Variants in UBA2 observed in about 807,000 individuals in gnomAD.
The protein encoded by UBA2 is SUMO-activating enzyme subunit 2.
Under a neutral mutation model 77.2 loss-of-function variants are expected in UBA2, and 11 were observed. The ratio of observed to expected loss-of-function variants is 0.14; its 90% CI spans 0.09 to 0.24. The LOEUF (loss-of-function observed/expected upper bound fraction) is 0.24, where lower values mean the gene tolerates loss of function less well. Among genes scored for constraint, UBA2 ranks in the 10% least tolerant of loss-of-function variants. The pLI is 1.00. For missense variants in UBA2, 487 were observed against 781.7 expected, an observed-to-expected ratio of 0.62 and a Z score of 4.50; for synonymous variants, 278 against 276.7, an observed-to-expected ratio of 1.00 and a Z score of -0.05.
At chr19:34,441,371 C>A (rs1368109702) in intron 6 of UBA2, among the ~76,000 whole-genome samples, 1 of 152,018 alleles carries the variant, frequency 6.6e-6, no homozygotes, top group Non-Finnish European at 1.5e-5. Flanking sequence ...AGGAGAATGG[C>A]GTGAACCCGG....
In UBA2 at chr19:34,435,024, C is replaced by CA. The variant is rs2075293621; in HGVS notation, c.459+57dup. 2.5e-6 allele frequency: 3 copies of CA among 1,193,202 alleles called. No individual in the cohort carries two copies. In the East Asian group the frequency reaches 7.6e-5, roughly 30 times the overall value. 73.9% of individuals were successfully genotyped at this position (1,193,202 alleles called of 1,614,324 possible). On this transcript the variant is annotated intron_variant, in intron 5 of 16. Coordinates refer to ENST00000246548, the MANE Select transcript of UBA2 (RefSeq NM_005499.3). ...CAAATATTTATTTGAGACCTTGGAG[C>CA]AGGAGGAAATAAACTTTGTATTTAT...
chr19:34,431,735 G>T, intron 2 of UBA2, 126 bp from the exon 3 acceptor site: 2 of 741,210 alleles, frequency 2.7e-6, no homozygotes, highest in African/African-American at 1.8e-5. Context: ...TCACATTTTT[G>T]GACTTCTTTG....
rs1019056480 is a variant in UBA2, at chr19:34,428,411, C to G, written c.-22C>G. 15 of 1,245,102 alleles carry G rather than the reference C, an allele frequency of 1.2e-5. No homozygotes were observed. Among genetic ancestry groups the G allele is most frequent in the Middle Eastern group, 2.8e-4 (1 of 3,626 alleles). 77.1% of individuals were successfully genotyped at this position (1,245,102 alleles called of 1,614,324 possible). On this transcript the variant is annotated 5_prime_UTR_variant, in exon 1 of 17. Transcript: ENST00000246548. ...TCGGTTCTCCCGCCTCCGCCTCCGC[C>G]GCGGCTCGTGGTTGTCCCGCCATGG... is the stretch of plus-strand genomic sequence containing the variant.
chr19:34,467,287 A>G (rs371914789), intron 16 of UBA2, among the ~76,000 whole-genome samples: 12 of 151,534 alleles, frequency 7.9e-5, no homozygotes, highest in East Asian at 5.9e-4. Flanking sequence ...GGGCAACACA[A>G]TGAGAGACCC....
At position 34,469,097 on chromosome 19, in the gene UBA2, A is replaced by G. The variant is rs747515595; in HGVS notation, c.1799A>G (p.Asn600Ser). 1.2e-6 allele frequency: 2 copies of G among 1,613,102 alleles called. No individual in the cohort carries two copies. The highest frequency in any genetic ancestry group is 8.5e-7 in the Non-Finnish European group (1 of 1,179,708). The part of the protein sequence containing the change: ...VDSDEEDSSN[N>S]ADVSEEERSR... ...TCAGATGAAGAAGATTCTTCAAATA[A>G]TGCCGACGTCAGTGAAGAAGAGAGA... Residue 600 changes from asparagine (N) to serine (S), a missense_variant, in exon 17 of 17, where the codon AAT becomes AGT. Coordinates refer to ENST00000246548, the MANE Select transcript of UBA2 (RefSeq NM_005499.3).
At chr19:34,437,633 C>G (rs2075324102) in intron 5 of UBA2, among the ~76,000 whole-genome samples, 1 of 152,030 alleles carries the variant, frequency 6.6e-6, no homozygotes, top group Admixed American at 6.6e-5. Context: ...AAAGAAGAGA[C>G]TGAGGTTAGG....
Position 34,446,608 on chromosome 19 carries a change from C to CTT in UBA2, c.771+1489_771+1490dup, listed in dbSNP as rs764109454. On this transcript the variant is annotated intron_variant, in intron 8 of 16. Coordinates refer to ENST00000246548, the MANE Select transcript of UBA2 (RefSeq NM_005499.3). ...ATGTCACATGTTGACTTTTTTTTTT[C>CTT]TTTCTTTTTTTTTTTTTTTGAGAGA... Among the ~76,000 whole-genome samples the CTT allele has an allele frequency of 2.0e-4, 29 of 145,180 alleles. 1 individual carries two copies. The highest frequency in any genetic ancestry group is 5.6e-4 in the African/African-American group (21 of 37,398).
At position 34,438,680 on chromosome 19, in the gene UBA2, G is replaced by T; in HGVS notation, c.495G>T (p.Pro165=). The change falls in exon 6 of 17, where the codon CCG becomes CCT. Residue 165 remains proline (P), a synonymous_variant. Transcript: ENST00000246548. ...AGTGTTATGAGTGTCATCCTAAGCC[G>T]ACCCAGAGAACCTTTCCTGGCTGTA... ...VTECYECHPK[P]TQRTFPGCTI... is the part of the protein sequence containing the mutation. The T allele has an allele frequency of 6.2e-7, 1 of 1,614,042 alleles. No homozygotes were observed. Among genetic ancestry groups the T allele is most frequent in the Non-Finnish European group, 8.5e-7 (1 of 1,180,012 alleles).
Position 34,428,430 on chromosome 19 carries a change from G to C in UBA2, c.-3G>C. The C allele has an allele frequency of 7.9e-7, 1 of 1,263,166 alleles. No individual in the cohort carries two copies. The highest frequency in any genetic ancestry group is 1.0e-6 in the Non-Finnish European group (1 of 1,002,440). The allele number at this position is 1,263,166 out of a possible 1,614,324, so 78.2% of individuals were successfully genotyped here. A position where few individuals can be genotyped will look rare whatever the true frequency, so the allele number is the denominator to read the frequency against. ...CTCCGCCGCGGCTCGTGGTTGTCCC[G>C]CCATGGCACTGTCGCGGGGGCTGCC... On this transcript the variant is annotated 5_prime_UTR_variant, in exon 1 of 17. Coordinates refer to ENST00000246548, the MANE Select transcript of UBA2 (RefSeq NM_005499.3).
At chr19:34,463,241 A>C (rs1221307405) in intron 14 of UBA2, among the ~76,000 whole-genome samples, 1 of 152,184 alleles carries the variant, frequency 6.6e-6, no homozygotes. Flanking sequence ...GTCTTTAAAA[A>C]AAATTGATTT....
intron 14 of UBA2, among the ~76,000 whole-genome samples, chr19:34,461,848 G>A (rs912983008): frequency 3.9e-5 from 6 of 152,220 alleles, no homozygotes; most frequent in Admixed American, 3.9e-4. Flanking sequence ...TGAATCTAAG[G>A]AAAGTATATT....
intron 1 of UBA2, 90 bp downstream of exon 1, chr19:34,428,660 A>C: frequency 8.3e-5 from 59 of 708,958 alleles, no homozygotes; most frequent in East Asian, 1.9e-4. Context: ...TCTGAGGCTC[A>C]GGGCCCGGAG....
intron 5 of UBA2, among the ~76,000 whole-genome samples, chr19:34,435,556 G>A (rs2075299271): frequency 6.6e-6 from 1 of 152,160 alleles, no homozygotes; most frequent in East Asian, 1.9e-4. Flanking sequence ...TCGGCTGCGT[G>A]CAGTGGCTCA....
intron 5 of UBA2, among the ~76,000 whole-genome samples, chr19:34,436,430 G>C (rs530356886): frequency 6.6e-6 from 1 of 152,248 alleles, no homozygotes; most frequent in African/African-American, 2.4e-5. Context: ...CTCCCGAGTA[G>C]CTGGGATTAC....
Position 34,445,132 on chromosome 19 carries a change from CT to C in UBA2, c.771+18del. ...AAACTTTTTACCAAGGTTAGATTTA[CT>C]TTTTTTATAATCATGGATAGATGTA... On this transcript the variant is annotated intron_variant, in intron 8 of 16. Transcript: ENST00000246548. 1 of 1,606,876 alleles carries C rather than the reference CT, an allele frequency of 6.2e-7. No homozygotes were observed. The highest frequency in any genetic ancestry group is 8.5e-7 in the Non-Finnish European group (1 of 1,177,062).
chr19:34,447,806 TCA>T (rs1427970663), intron 8 of UBA2, among the ~76,000 whole-genome samples: 1 of 152,192 alleles, frequency 6.6e-6, no homozygotes, highest in Non-Finnish European at 1.5e-5. Context: ...CATACCCATT[TCA>T]GATGTTGTTA....
Position 34,450,318 on chromosome 19 carries a change from A to G in UBA2, c.825A>G (p.Lys275=), listed in dbSNP as rs1470710428. The change falls in exon 9 of 17, where the codon AAA becomes AAG. Residue 275 remains lysine, a synonymous_variant. Transcript: ENST00000246548. ...TGACAATGGACAAACTATGGCGGAA[A>G]AGGAAACCTCCAGTTCCGTTGGACT... The part of the protein sequence containing the change: ...YLLTMDKLWR[K]RKPPVPLDWA... 6.2e-7 allele frequency: 1 copy of G among 1,611,048 alleles called. No homozygotes were observed. The highest frequency in any genetic ancestry group is 1.3e-5 in the African/African-American group (1 of 74,670).
intron 6 of UBA2, among the ~76,000 whole-genome samples, chr19:34,441,240 G>C (rs1248346398): frequency 2.0e-5 from 3 of 152,176 alleles, no homozygotes; most frequent in Admixed American, 6.5e-5. Context: ...CGGATCACGA[G>C]GTCAGGAGAT....
chr19:34,435,980 C>T (rs1446087038), intron 5 of UBA2, among the ~76,000 whole-genome samples: 3 of 151,390 alleles, frequency 2.0e-5, no homozygotes, highest in Non-Finnish European at 2.9e-5. Flanking sequence ...AATCAGCGGG[C>T]GTGGTGGTGT....
Sources: allele counts gnomAD v4.1 joint callset (sites outside exome capture counted in the v4.1 genomes callset), GRCh38; gene constraint gnomAD v4.1.1; transcripts MANE v1.5; gene names NCBI Gene and HGNC (gene_info 2026-07-23, HGNC 2026-07-21).